SFI1: variants seen among roughly 807,000 people sequenced by gnomAD.
SFI1 encodes SFI1 centrin binding protein.
Under a neutral mutation model 207.5 loss-of-function variants are expected in SFI1, and 195 were observed. The ratio of observed to expected loss-of-function variants is 0.94; its 90% CI spans 0.84 to 1.06. SFI1 has a LOEUF of 1.06. Among genes scored for constraint, SFI1 ranks in the 50% least tolerant of loss-of-function variants. The pLI is 0.00. For synonymous variants in SFI1, 630 were observed against 598.9 expected, an observed-to-expected ratio of 1.05 and a Z score of -0.76; for missense variants, 1,634 against 1,588.0, an observed-to-expected ratio of 1.03 and a Z score of -0.49.
intron 5 of SFI1, 42 bp from the exon 6 acceptor site, chr22:31,550,212 G>C: frequency 6.4e-7 from 1 of 1,561,784 alleles, no homozygotes; most frequent in Non-Finnish European, 8.8e-7. Flanking sequence ...CGCCCGGCCT[G>C]TTATTTTGAA....
chr22:31,607,695 T>C (rs1048190127), intron 21 of SFI1: 3 of 303,328 alleles, frequency 9.9e-6, no homozygotes, highest in Non-Finnish European at 1.9e-5. Context: ...TGGCATGGTA[T>C]GATATGTAAA....
intron 29 of SFI1, 184 bp from the exon 30 acceptor site, chr22:31,616,561 C>G (rs963047981): frequency 1.9e-5 from 11 of 592,328 alleles, no homozygotes; most frequent in African/African-American, 7.6e-5. Flanking sequence ...GTACCAGGCC[C>G]TGTGTGCAGG....
chr22:31,598,201 G>T (rs1021959129), intron 15 of SFI1, among the ~76,000 whole-genome samples: 1 of 151,528 alleles, frequency 6.6e-6, no homozygotes, highest in Admixed American at 6.6e-5. Context: ...TAGCCAGAAT[G>T]GTCTGGATCT....
At chr22:31,596,333 A>G (rs1270493687) in intron 15 of SFI1, among the ~76,000 whole-genome samples, 1 of 152,132 alleles carries the variant, frequency 6.6e-6, no homozygotes, top group Non-Finnish European at 1.5e-5. Flanking sequence ...GGTTAGCCAG[A>G]ACTCTGGCTT....
At chr22:31,497,880 A>G (rs1474590993) in intron 1 of SFI1, among the ~76,000 whole-genome samples, 2 of 152,242 alleles carry the variant, frequency 1.3e-5, no homozygotes, top group Admixed American at 1.3e-4. Context: ...CTGGTCACCA[A>G]GGAACTCTGA....
Position 31,575,233 on chromosome 22 carries a change from A to G in SFI1, c.925A>G (p.Met309Val), listed in dbSNP as rs2063361866. 6.8e-6 allele frequency: 11 copies of G among 1,607,510 alleles called. 1 individual carries two copies. In the South Asian group the frequency reaches 1.0e-4, roughly 15 times the overall value. ...VRRVKRQQNEMAERFHHVTVL... is the reference protein window; with the variant it reads ...VRRVKRQQNEVAERFHHVTVL... ...CTTAAGTTATTTCTCTGTTGCAGAG[A>G]TGGCTGAGCGATTCCATCATGTCAC... Residue 309 changes from methionine to valine, a missense_variant and splice_region_variant, in exon 10 of 33, where the codon ATG becomes GTG. Transcript: ENST00000400288.
chr22:31,508,880 A>T (rs779093848), intron 2 of SFI1, among the ~76,000 whole-genome samples: 1 of 152,044 alleles, frequency 6.6e-6, no homozygotes, highest in Non-Finnish European at 1.5e-5. Flanking sequence ...AGGTTCCTGC[A>T]CTGTTTCTTG....
chr22:31,527,158 A>G (rs1019922750), intron 2 of SFI1, among the ~76,000 whole-genome samples: 1 of 152,088 alleles, frequency 6.6e-6, no homozygotes, highest in Non-Finnish European at 1.5e-5. Context: ...CGGCCTCTCA[A>G]AGTGCTGGGA....
intron 5 of SFI1, among the ~76,000 whole-genome samples, chr22:31,548,523 G>A (rs888947351): frequency 6.6e-6 from 1 of 151,768 alleles, no homozygotes; most frequent in African/African-American, 2.4e-5. Context: ...TGCGCCTGTA[G>A]TACCAGCTAC....
chr22:31,541,195 G>A (rs1010909481), intron 4 of SFI1, among the ~76,000 whole-genome samples: 1 of 152,032 alleles, frequency 6.6e-6, no homozygotes, highest in Admixed American at 6.6e-5. Context: ...GCCACCAGCT[G>A]GGTGCTTCTT....
intron 9 of SFI1, 132 bp from the exon 10 acceptor site, chr22:31,575,098 GT>G: frequency 1.3e-5 from 4 of 316,790 alleles, no homozygotes; most frequent in Non-Finnish European, 1.9e-5. Flanking sequence ...GTGTGTGTGT[GT>G]GTGTGTGTGT....
At chr22:31,611,634 C>T (rs1416782031) in intron 23 of SFI1, 132 bp from the exon 24 acceptor site, 2 of 930,146 alleles carry the variant, frequency 2.2e-6, no homozygotes, top group Non-Finnish European at 1.6e-6. Flanking sequence ...TGCAGGAGAC[C>T]CCTGGCACCA....
At chr22:31,519,074 G>T (rs924642865) in intron 2 of SFI1, among the ~76,000 whole-genome samples, 1 of 152,080 alleles carries the variant, frequency 6.6e-6, no homozygotes, top group African/African-American at 2.4e-5. Context: ...AGAAAAAATC[G>T]TAATGGAAGT....
rs1250450409 is a variant in SFI1, at chr22:31,528,848, G to C, written c.251G>C (p.Arg84Thr). Residue 84 changes from arginine (R) to threonine (T), a missense_variant, in exon 3 of 33, where the codon AGA becomes ACA. Physicochemically the swap from Arg to Thr is moderately conservative, Grantham distance 71. Transcript: ENST00000400288. ...ACTTGTACCCGACAGGGCCGGTTAAGAGAACTGCGCATCAGGTGAGCTTAT... is the reference window on the plus strand; with the variant it reads ...ACTTGTACCCGACAGGGCCGGTTAACAGAACTGCGCATCAGGTGAGCTTAT... Reference protein sequence around the residue: ...THTCTRQGRLRELRIRCVARK... With the variant: ...THTCTRQGRLTELRIRCVARK... The C allele has an allele frequency of 1.9e-6, 3 of 1,613,602 alleles. No homozygotes were observed. The African/African-American group carries it at 4.0e-5, about 22-fold the overall frequency.
In SFI1 at chr22:31,617,071, A is replaced by T; in HGVS notation, c.3505A>T (p.Asn1169Tyr). ...QLLHYQTTKQ[N>Y]LWSCRRQASS... ...ACTGCACTACCAGACCACCAAGCAG[A>T]ACCTCTGGTGAGCCCTGCGAAACGC... The change falls in exon 31 of 33, where the codon AAC becomes TAC. Residue 1169 changes from asparagine (N) to tyrosine (Y), a missense_variant. By Grantham distance (143) the Asn-to-Tyr change is moderately radical. Coordinates refer to ENST00000400288, the MANE Select transcript of SFI1 (RefSeq NM_001007467.3). 6.2e-7 allele frequency: 1 copy of T among 1,614,006 alleles called. No individual in the cohort carries two copies. Among genetic ancestry groups the T allele is most frequent in the Non-Finnish European group, 8.5e-7 (1 of 1,180,010 alleles).
intron 2 of SFI1, among the ~76,000 whole-genome samples, chr22:31,509,108 C>T (rs2055109817): frequency 6.6e-6 from 1 of 152,086 alleles, no homozygotes; most frequent in African/African-American, 2.4e-5. Flanking sequence ...AATGTTAAAT[C>T]AGCCTTGCAT....
Position 31,583,861 on chromosome 22 carries a change from C to A in SFI1, c.1249-14C>A. Reference sequence around the variant, plus strand: ...ATCTCAGTACATTTCCATCTTCTTCCTCCCTTGCTTTAGCTGCTGCACAGG... The same window carrying A: ...ATCTCAGTACATTTCCATCTTCTTCATCCCTTGCTTTAGCTGCTGCACAGG... On this transcript the variant is annotated splice_polypyrimidine_tract_variant and intron_variant, in intron 12 of 32. Coordinates refer to ENST00000400288, the MANE Select transcript of SFI1 (RefSeq NM_001007467.3). 1 of 1,610,704 alleles carries A rather than the reference C, an allele frequency of 6.2e-7. No individual in the cohort carries two copies. The highest frequency in any genetic ancestry group is 1.1e-5 in the South Asian group (1 of 91,014).
At chr22:31,600,352 G>A (rs1006700453) in intron 15 of SFI1, among the ~76,000 whole-genome samples, 1 of 152,146 alleles carries the variant, frequency 6.6e-6, no homozygotes, top group Non-Finnish European at 1.5e-5. Context: ...TCAGCCTAAA[G>A]ATGATCTTTT....
chr22:31,596,279 A>C (rs189756866), intron 15 of SFI1, among the ~76,000 whole-genome samples: 16 of 151,862 alleles, frequency 1.1e-4, no homozygotes, highest in South Asian at 4.2e-4. Context: ...CTCTCTCTCT[A>C]TCTATCTGTC....
Sources: allele counts gnomAD v4.1 joint callset (sites outside exome capture counted in the v4.1 genomes callset), GRCh38; gene constraint gnomAD v4.1.1; transcripts MANE v1.5; gene names NCBI Gene and HGNC (gene_info 2026-07-23, HGNC 2026-07-21).